The following STPG2 variants were observed in gnomAD, a reference collection of about 807,000 sequenced individuals.
The protein encoded by STPG2 is sperm tail PG-rich repeat containing 2.
Under a neutral mutation model 54.2 loss-of-function variants are expected in STPG2, and 56 were observed. The observed-to-expected ratio is 1.03, with a 90% CI of 0.83 to 1.29. The LOEUF is 1.29. Ranked by LOEUF, STPG2 falls within the 50% of genes most tolerant of loss-of-function variation. The pLI is 0.00. For synonymous variants in STPG2, 200 were observed against 181.8 expected, an observed-to-expected ratio of 1.10 and a Z score of -0.81; for missense variants, 596 against 544.9, an observed-to-expected ratio of 1.09 and a Z score of -0.93.
At chr4:97,672,442 T>C (rs1722729470) in intron 10 of STPG2, among the ~76,000 whole-genome samples, 1 of 152,092 alleles carries the variant, frequency 6.6e-6, no homozygotes, top group Admixed American at 6.6e-5. Flanking sequence ...CCTCCCAAAG[T>C]ACTGGGATTA....
At chr4:97,841,572 T>A (rs1353350149) in intron 8 of STPG2, among the ~76,000 whole-genome samples, 1 of 151,878 alleles carries the variant, frequency 6.6e-6, no homozygotes, top group Non-Finnish European at 1.5e-5. Context: ...AAAACTTTTT[T>A]AAACTCATTT....
chr4:97,853,578 G>C (rs1729238182), intron 8 of STPG2, among the ~76,000 whole-genome samples: 1 of 152,026 alleles, frequency 6.6e-6, no homozygotes, highest in African/African-American at 2.4e-5. Context: ...AAGGCTCCAA[G>C]GGCACTATTA....
intron 5 of STPG2, among the ~76,000 whole-genome samples, chr4:98,019,006 G>A (rs904881879): frequency 1.6e-4 from 24 of 151,802 alleles, no homozygotes; most frequent in African/African-American, 5.8e-4. Flanking sequence ...TTGCTGTGCA[G>A]AAGCTCTTTA....
At chr4:97,442,050 C>A (rs777518165) in intron 4 of STPG2, among the ~76,000 whole-genome samples, 4 of 151,290 alleles carry the variant, frequency 2.6e-5, no homozygotes, top group Admixed American at 6.6e-5. Context: ...GCAGAAATAC[C>A]TTTTTTTTCA....
At chr4:98,050,058 G>A (rs1027480634) in intron 5 of STPG2, among the ~76,000 whole-genome samples, 1 of 152,128 alleles carries the variant, frequency 6.6e-6, no homozygotes, top group Non-Finnish European at 1.5e-5. Flanking sequence ...GGAAGCATAT[G>A]TATTTTTACA....
At chr4:97,755,260 T>A (rs1200627206) in intron 9 of STPG2, among the ~76,000 whole-genome samples, 1 of 152,178 alleles carries the variant, frequency 6.6e-6, no homozygotes, top group Non-Finnish European at 1.5e-5. Flanking sequence ...AATTCAAGCA[T>A]GCCCACTAAC....
At chr4:97,739,702 T>C (rs1245670551) in intron 9 of STPG2, among the ~76,000 whole-genome samples, 1 of 152,208 alleles carries the variant, frequency 6.6e-6, no homozygotes, top group East Asian at 1.9e-4. Flanking sequence ...TAACAGGCTC[T>C]GAAATTGTGG....
chr4:97,684,683 C>G (rs1480141510), intron 10 of STPG2, among the ~76,000 whole-genome samples: 1 of 151,756 alleles, frequency 6.6e-6, no homozygotes, highest in South Asian at 2.1e-4. Flanking sequence ...CAAATTTTTG[C>G]GTTTGCAATG....
chr4:98,143,325 C>A lies in STPG2; in HGVS notation c.-175G>T. The A allele has an allele frequency of 1.7e-6, 1 of 585,226 alleles. No individual in the cohort carries two copies. Among genetic ancestry groups the A allele is most frequent in the Non-Finnish European group, 3.1e-6 (1 of 327,042 alleles). The allele number at this position is 585,226 out of a possible 1,614,324, so 36.3% of individuals were successfully genotyped here. On this transcript the variant is annotated 5_prime_UTR_variant, in exon 1 of 11. Coordinates refer to ENST00000295268, the MANE Select transcript of STPG2 (RefSeq NM_174952.3). ...TGTCTCCCCGCCCGCTCATTGATAC[C>A]AGATTTCCTCAAATCGATTTCTAGC...
intron 4 of STPG2, among the ~76,000 whole-genome samples, chr4:97,506,644 A>T (rs1392733321): frequency 6.6e-6 from 1 of 152,034 alleles, no homozygotes; most frequent in Non-Finnish European, 1.5e-5. Context: ...AGTAATACCA[A>T]TCATAAAAGG....
intron 10 of STPG2, among the ~76,000 whole-genome samples, chr4:97,566,412 G>A (rs1252453215): frequency 6.6e-6 from 1 of 152,170 alleles, no homozygotes; most frequent in Non-Finnish European, 1.5e-5. Context: ...GCCTCGCCCT[G>A]CTTCGGCTAG....
intron 7 of STPG2, among the ~76,000 whole-genome samples, chr4:97,947,909 C>A (rs1733300842): frequency 6.6e-6 from 1 of 152,030 alleles, no homozygotes; most frequent in Non-Finnish European, 1.5e-5. Context: ...CAGGGTAACA[C>A]TGGCTTAACA....
At chr4:97,475,640 A>C (rs1461343400) in intron 4 of STPG2, among the ~76,000 whole-genome samples, 1 of 152,056 alleles carries the variant, frequency 6.6e-6, no homozygotes, top group African/African-American at 2.4e-5. Flanking sequence ...TATTCCATAA[A>C]ATTCATCTTC....
At chr4:97,975,945 C>G (rs564323301) in intron 6 of STPG2, among the ~76,000 whole-genome samples, 1 of 152,128 alleles carries the variant, frequency 6.6e-6, no homozygotes, top group African/African-American at 2.4e-5. Context: ...CTTTTCTCAT[C>G]ATAGGCAAGA....
At chr4:97,673,902 A>T (rs894723329) in intron 10 of STPG2, among the ~76,000 whole-genome samples, 73 of 152,202 alleles carry the variant, frequency 4.8e-4, no homozygotes, top group Admixed American at 8.5e-4. Flanking sequence ...ATTTTTCTTT[A>T]AAAGATGATT....
At chr4:97,445,472 A>G (rs1442049614) in intron 4 of STPG2, among the ~76,000 whole-genome samples, 1 of 152,244 alleles carries the variant, frequency 6.6e-6, no homozygotes, top group Non-Finnish European at 1.5e-5. Flanking sequence ...AAATAATCTT[A>G]ATAGTATATT....
chr4:97,998,705 A>T lies in STPG2; in HGVS notation c.613-17387T>A, dbSNP rs113235794. ...CAGCTTGTGAGCACTGCTAATCAATAACAGTGAAAGTGATTATTTGTACCT... is the reference window on the plus strand; with the variant it reads ...CAGCTTGTGAGCACTGCTAATCAATTACAGTGAAAGTGATTATTTGTACCT... On this transcript the variant is annotated intron_variant, in intron 5 of 10. Coordinates refer to ENST00000295268, the MANE Select transcript of STPG2 (RefSeq NM_174952.3). Among the ~76,000 whole-genome samples, 860 of 152,282 alleles carry T rather than the reference A, an allele frequency of 5.6e-3. 5 individuals carry two copies. Among genetic ancestry groups the T allele is most frequent in the Middle Eastern group, 0.02 (6 of 294 alleles).
Position 97,996,582 on chromosome 4 carries a change from G to A in STPG2, c.613-15264C>T, listed in dbSNP as rs916316612. ...CATGACAAAGATGCCAAAACCAATT[G>A]CAACAAAAACAAAGAGCTCTGTGCA... On this transcript the variant is annotated intron_variant, in intron 5 of 10. Transcript: ENST00000295268. 7.4e-3 allele frequency among the ~76,000 whole-genome samples: 66 copies of A among 8,882 alleles called. 1 individual carries two copies. The highest frequency in any genetic ancestry group is 0.017 in the Admixed American group (12 of 712). 5.8% of individuals were successfully genotyped at this position (8,882 alleles called of 152,430 possible).
At chr4:97,796,273 C>G (rs1165082483) in intron 9 of STPG2, among the ~76,000 whole-genome samples, 1 of 152,184 alleles carries the variant, frequency 6.6e-6, no homozygotes, top group East Asian at 1.9e-4. Flanking sequence ...GAAGTCCTTG[C>G]CCATGCCTAC....
Sources: allele counts gnomAD v4.1 joint callset (sites outside exome capture counted in the v4.1 genomes callset), GRCh38; gene constraint gnomAD v4.1.1; transcripts MANE v1.5; gene names NCBI Gene and HGNC (gene_info 2026-07-23, HGNC 2026-07-21).